Variants in SASH3 observed in about 807,000 individuals in gnomAD.
The protein encoded by SASH3 is SAM and SH3 domain containing 3, also known as SAM and SH3 domain-containing protein 3.
In SASH3, 7 loss-of-function variants were observed where a neutral mutation model predicts 26.1. That is an observed-to-expected ratio of 0.27 (90% CI 0.15 to 0.50). The LOEUF (loss-of-function observed/expected upper bound fraction) is 0.50. Ranked by LOEUF, SASH3 falls within the 20% of genes least tolerant of loss-of-function variation. The probability of loss-of-function intolerance (pLI) is 0.98; values close to 1 mark genes in which losing one functional copy is unlikely to be tolerated. For synonymous variants in SASH3, 138 were observed against 136.8 expected (o/e 1.01, Z -0.06); for missense variants, 231 against 318.3 (o/e 0.73, Z 2.09).
intron 4 of SASH3, 149 bp from the exon 5 acceptor site, chrX:129,792,179 T>C: frequency 1.7e-6 from 1 of 590,715 alleles, no homozygotes; most frequent in South Asian, 3.1e-5. Context: ...CAGAATCCCT[T>C]CTGCAGTGTA....
chrX:129,780,320 T>C, intron 1 of SASH3, among the ~76,000 whole-genome samples, 166 bp downstream of exon 1: 1 of 110,216 alleles, frequency 9.1e-6, no homozygotes, highest in East Asian at 2.9e-4. Flanking sequence ...TTAACAGAAG[T>C]ACAGAAGAGA....
At chrX:129,787,893 A>C in intron 1 of SASH3, 82 bp from the exon 2 acceptor site, 4 of 683,927 alleles carry the variant, frequency 5.8e-6, no homozygotes, top group Non-Finnish European at 9.4e-6. Flanking sequence ...GGCTGTGGGT[A>C]TTGTGTGGTG....
In SASH3 at chrX:129,793,106, C is replaced by G; in HGVS notation, c.919C>G (p.Leu307Val). The G allele has an allele frequency of 3.3e-6, 4 of 1,211,723 alleles. No individual in the cohort carries two copies. Among genetic ancestry groups the G allele is most frequent in the Non-Finnish European group, 4.5e-6 (4 of 895,520 alleles). The change falls in exon 7 of 8, where the codon CTC (leucine) becomes GTC (valine). Residue 307 changes from leucine (L) to valine (V), a missense_variant. Coordinates refer to ENST00000356892, the MANE Select transcript of SASH3 (RefSeq NM_018990.4). ...GGATCCACAGCACCGGGCCAAGCTG[C>G]TCACGGCCGCCGAGCTGCTGCTGGA... ...IMDPQHRAKL[L>V]TAAELLLDYD... is the part of the protein sequence containing the mutation.
rs375166634 is a variant in SASH3 at position 129,791,095 on chromosome X, G to A, written c.442+14G>A. Reference sequence around the variant, plus strand: ...AGGCATCAACAGGTGAGTAGGGGATGCGGGGGACACCTGCCGAATCTGGAG... The same window carrying A: ...AGGCATCAACAGGTGAGTAGGGGATACGGGGGACACCTGCCGAATCTGGAG... On this transcript the variant is annotated intron_variant, in intron 4 of 7. Transcript: ENST00000356892. 6 of 1,205,156 alleles carry A rather than the reference G, an allele frequency of 5.0e-6. No homozygotes were observed. In the African/African-American group the frequency reaches 1.0e-4, roughly 21 times the overall value.
intron 3 of SASH3, among the ~76,000 whole-genome samples, chrX:129,789,637 CAAAAAAAAGA>C (rs1927196015): frequency 9.2e-6 from 1 of 108,483 alleles, no homozygotes; most frequent in African/African-American, 3.4e-5. Context: ...AACTCCGTCT[CAAAAAAAAGA>C]AAAAAAAAGA....
Position 129,780,083 on chromosome X carries a change from C to T in SASH3, c.-15C>T. 8.3e-7 allele frequency: 1 copy of T among 1,210,109 alleles called. No homozygotes were observed. Among genetic ancestry groups the T allele is most frequent in the East Asian group, 3.0e-5 (1 of 33,804 alleles). Reference sequence around the variant, plus strand: ...CCTAGGAGAGCAGGGACGGAGTCTCCCAGGGTGGAGGACCATGCTGCGCCG... The same window carrying T: ...CCTAGGAGAGCAGGGACGGAGTCTCTCAGGGTGGAGGACCATGCTGCGCCG... On this transcript the variant is annotated 5_prime_UTR_variant, in exon 1 of 8. Coordinates refer to ENST00000356892, the MANE Select transcript of SASH3 (RefSeq NM_018990.4).
At position 129,792,877 on chromosome X, in the gene SASH3, C is replaced by T. The variant is rs144193234; in HGVS notation, c.801+41C>T. ...TCACTAGTATCTAGTATCAGGGAGG[C>T]ACAACTGCCCCAGGGATGGGGACCA... On this transcript the variant is annotated intron_variant, in intron 6 of 7. Coordinates refer to ENST00000356892, the MANE Select transcript of SASH3 (RefSeq NM_018990.4). The T allele has an allele frequency of 1.3e-3, 1,533 of 1,176,716 alleles. 25 individuals carry two copies. In the East Asian group the frequency reaches 0.04, roughly 30 times the overall value.
intron 1 of SASH3, among the ~76,000 whole-genome samples, chrX:129,782,984 G>A (rs1927044059): frequency 9.0e-6 from 1 of 111,648 alleles, no homozygotes; most frequent in Non-Finnish European, 1.9e-5. Flanking sequence ...AGTGGAGAGG[G>A]ATTTTTCCTG....
rs763333259 is a variant in SASH3, at chrX:129,788,553, G to A, written c.276G>A (p.Met92Ile). 8.3e-7 allele frequency: 1 copy of A among 1,211,961 alleles called. No individual in the cohort carries two copies. The highest frequency in any genetic ancestry group is 1.1e-6 in the Non-Finnish European group (1 of 895,475). The change falls in exon 3 of 8, where the codon ATG (methionine) becomes ATA (isoleucine). Residue 92 changes from methionine to isoleucine, a missense_variant. By Grantham distance (10) the Met-to-Ile change is conservative. Coordinates refer to ENST00000356892, the MANE Select transcript of SASH3 (RefSeq NM_018990.4). ...TGAACAGGAAGATGGGCAAGATGAT[G>A]GTGAAGGCCCTGTCAGAAGAGATGG... ...RTMNRKMGKM[M>I]VKALSEEMAD...
chrX:129,792,389 C>A lies in SASH3; in HGVS notation c.504C>A (p.Pro168=), dbSNP rs759384428. 128 of 1,209,982 alleles carry A rather than the reference C, an allele frequency of 1.1e-4. 1 individual carries two copies. The South Asian group carries it at 2.2e-3, about 21-fold the overall frequency. ...SGSFGEEPPA[P]QYTGPFCGRA... ...GCTTCGGGGAGGAACCACCTGCCCC[C>A]CAGTACACAGGGCCTTTCTGTGGCC... Residue 168 remains proline, a synonymous_variant, in exon 5 of 8, where the codon CCC becomes CCA. Transcript: ENST00000356892.
chrX:129,788,140 G>A, intron 2 of SASH3, 70 bp downstream of exon 2: 1 of 724,879 alleles, frequency 1.4e-6, no homozygotes, highest in South Asian at 2.5e-5. Flanking sequence ...TGGGAGGGAA[G>A]AGGGTGAAGA....
intron 2 of SASH3, 59 bp downstream of exon 2, chrX:129,788,129 G>GGGAGGGCC: frequency 1.5e-6 from 1 of 654,871 alleles, no homozygotes; most frequent in Non-Finnish European, 2.4e-6. Flanking sequence ...GGGGGTGGGG[G>GGGAGGGCC]TGGGAGGGAA....
chrX:129,792,605 CT>C, intron 5 of SASH3, 21 bp from the exon 6 acceptor site: 2 of 1,202,876 alleles, frequency 1.7e-6, no homozygotes, highest in Non-Finnish European at 2.2e-6. Context: ...TTGCTCCCTT[CT>C]CCTCTCCTCT....
At position 129,794,110 on chromosome X, in the gene SASH3, G is replaced by A; in HGVS notation, c.*278G>A. 1 of 355,544 alleles carries A rather than the reference G, an allele frequency of 2.8e-6. No homozygotes were observed. The highest frequency in any genetic ancestry group is 5.0e-6 in the Non-Finnish European group (1 of 201,806). 29.3% of individuals were successfully genotyped at this position (355,544 alleles called of 1,213,427 possible). A position where few individuals can be genotyped will look rare whatever the true frequency, so the allele number is the denominator to read the frequency against. On this transcript the variant is annotated 3_prime_UTR_variant, in exon 8 of 8. Transcript: ENST00000356892. ...CCCTCCTGGCACCAACTGCTCCCCT[G>A]CCATGGCCACGGCCACAGCAAGTGG...
chrX:129,791,101 G>A lies in SASH3; in HGVS notation c.442+20G>A. 3.3e-6 allele frequency: 4 copies of A among 1,202,229 alleles called. No homozygotes were observed. Among genetic ancestry groups the A allele is most frequent in the African/African-American group, 1.7e-5 (1 of 57,674 alleles). ...CAACAGGTGAGTAGGGGATGCGGGG[G>A]ACACCTGCCGAATCTGGAGGAAAGG... is the stretch of plus-strand genomic sequence containing the variant. On this transcript the variant is annotated intron_variant, in intron 4 of 7. Transcript: ENST00000356892.
chrX:129,791,382 C>T (rs541203497), intron 4 of SASH3, among the ~76,000 whole-genome samples: 1 of 111,941 alleles, frequency 8.9e-6, no homozygotes, highest in Non-Finnish European at 1.9e-5. Flanking sequence ...TATCCTCAGG[C>T]CCCGGAGAGG....
At chrX:129,785,088 C>T (rs1376933094) in intron 1 of SASH3, among the ~76,000 whole-genome samples, 1 of 109,485 alleles carries the variant, frequency 9.1e-6, no homozygotes, top group Non-Finnish European at 1.9e-5. Flanking sequence ...ATATACTCAA[C>T]AATATATTTA....
chrX:129,780,552 C>T (rs909177331), intron 1 of SASH3, among the ~76,000 whole-genome samples: 2 of 112,796 alleles, frequency 1.8e-5, no homozygotes, highest in Non-Finnish European at 3.8e-5. Context: ...GCCCCGGCCA[C>T]GGCCTCTCAG....
Position 129,792,888 on chromosome X carries a change from C to G in SASH3, c.801+52C>G, listed in dbSNP as rs372410538. 1,465 of 1,182,157 alleles carry G rather than the reference C, an allele frequency of 1.2e-3. 1 individual carries two copies. Among genetic ancestry groups the G allele is most frequent in the Non-Finnish European group, 1.6e-3 (1,417 of 878,917 alleles). Reference sequence around the variant, plus strand: ...TAGTATCAGGGAGGCACAACTGCCCCAGGGATGGGGACCAGGAAATGACAG... The same window carrying G: ...TAGTATCAGGGAGGCACAACTGCCCGAGGGATGGGGACCAGGAAATGACAG... On this transcript the variant is annotated intron_variant, in intron 6 of 7. Coordinates refer to ENST00000356892, the MANE Select transcript of SASH3 (RefSeq NM_018990.4).
Sources: gnomAD v4.1 joint callset for allele counts (sites outside exome capture counted in the v4.1 genomes callset) on GRCh38, gnomAD v4.1.1 for gene constraint, MANE v1.5 for transcripts, NCBI Gene and HGNC (gene_info 2026-07-23, HGNC 2026-07-21) for gene names.